CHRM3: variants seen among roughly 807,000 people sequenced by gnomAD.
CHRM3 encodes the protein muscarinic acetylcholine receptor M3.
A neutral mutation model predicts 41.8 loss-of-function variants in CHRM3; 11 were observed. The observed-to-expected ratio is 0.26, with a 90% CI of 0.17 to 0.44. CHRM3 has a LOEUF of 0.44. Among genes scored for constraint, CHRM3 ranks in the 20% least tolerant of loss-of-function variants. CHRM3 has a pLI of 1.00. For missense variants in CHRM3, 571 were observed against 745.4 expected, an observed-to-expected ratio of 0.77 and a Z score of 2.72; for synonymous variants, 297 against 301.4, an observed-to-expected ratio of 0.99 and a Z score of 0.15.
intron 1 of CHRM3, among the ~76,000 whole-genome samples, chr1:239,489,484 A>G (rs1222307536): frequency 6.6e-6 from 1 of 152,160 alleles, no homozygotes; most frequent in Non-Finnish European, 1.5e-5. Context: ...ACAGAGCTGT[A>G]ATGAATGTCA....
intron 1 of CHRM3, among the ~76,000 whole-genome samples, chr1:239,471,601 G>T (rs955166944): frequency 7.9e-5 from 12 of 152,152 alleles, no homozygotes; most frequent in Non-Finnish European, 4.4e-5. Context: ...TGGGTAGTGA[G>T]TGAGAGTAGG....
chr1:239,736,311 AG>A (rs1664389175), intron 5 of CHRM3, among the ~76,000 whole-genome samples: 1 of 152,102 alleles, frequency 6.6e-6, no homozygotes, highest in African/African-American at 2.4e-5. Context: ...CCTTACTTAA[AG>A]CAGCCTCTTT....
At chr1:239,579,391 G>A (rs1413174776) in intron 3 of CHRM3, among the ~76,000 whole-genome samples, 3 of 152,154 alleles carry the variant, frequency 2.0e-5, no homozygotes, top group Non-Finnish European at 2.9e-5. Flanking sequence ...TTTGGAAATG[G>A]CATTGCTTTT....
chr1:239,806,388 C>T (rs1319209179), intron 5 of CHRM3, among the ~76,000 whole-genome samples: 1 of 150,658 alleles, frequency 6.6e-6, no homozygotes, highest in Non-Finnish European at 1.5e-5. Context: ...ACACAACACA[C>T]ACACACCTGT....
chr1:239,577,435 C>A (rs1182729588), intron 3 of CHRM3, among the ~76,000 whole-genome samples: 4 of 152,100 alleles, frequency 2.6e-5, no homozygotes, highest in Non-Finnish European at 4.4e-5. Flanking sequence ...GACTGAAGTT[C>A]TCATATCTGA....
chr1:239,666,707 A>G (rs1034388139), intron 4 of CHRM3, among the ~76,000 whole-genome samples: 3 of 152,110 alleles, frequency 2.0e-5, no homozygotes, highest in African/African-American at 7.2e-5. Context: ...ATTCGGGGGT[A>G]CATATCAGGT....
chr1:239,710,713 A>G (rs905320757), intron 5 of CHRM3, among the ~76,000 whole-genome samples: 13 of 152,064 alleles, frequency 8.5e-5, no homozygotes, highest in Non-Finnish European at 1.5e-4. Flanking sequence ...TTTTTTTCTT[A>G]TATCTCAATT....
chr1:239,746,883 G>A (rs146200938), intron 5 of CHRM3, among the ~76,000 whole-genome samples: 2,167 of 151,906 alleles, frequency 0.014, 69 homozygotes, highest in East Asian at 0.12. Context: ...TCAGCCTCCC[G>A]AGTAGCTGGG....
At chr1:239,643,533 G>A (rs1671431280) in intron 4 of CHRM3, among the ~76,000 whole-genome samples, 1 of 152,182 alleles carries the variant, frequency 6.6e-6, no homozygotes, top group Non-Finnish European at 1.5e-5. Context: ...TGCTGTGCTA[G>A]TAATCAGCGA....
At chr1:239,507,999 A>G (rs1006878211) in intron 2 of CHRM3, among the ~76,000 whole-genome samples, 2 of 152,232 alleles carry the variant, frequency 1.3e-5, no homozygotes, top group Admixed American at 6.5e-5. Flanking sequence ...GCACAGAGCT[A>G]TGGAGCCTGA....
At chr1:239,514,457 T>A (rs915494002) in intron 2 of CHRM3, among the ~76,000 whole-genome samples, 1 of 152,110 alleles carries the variant, frequency 6.6e-6, no homozygotes, top group East Asian at 1.9e-4. Context: ...GGTAAGCAAC[T>A]GACTTTTATA....
At chr1:239,788,049 A>G (rs1279547456) in intron 5 of CHRM3, among the ~76,000 whole-genome samples, 1 of 152,250 alleles carries the variant, frequency 6.6e-6, no homozygotes, top group South Asian at 2.1e-4. Context: ...AGCCTGGGCA[A>G]CATAAAGAGA....
chr1:239,600,751 CCTT>C (rs1665420049), intron 3 of CHRM3, among the ~76,000 whole-genome samples: 1 of 150,730 alleles, frequency 6.6e-6, no homozygotes, highest in South Asian at 2.1e-4. Flanking sequence ...CTCCCTCCCT[CCTT>C]CTTTCCTTCC....
chr1:239,813,279 A>T (rs1368013987), intron 5 of CHRM3, among the ~76,000 whole-genome samples: 1 of 152,182 alleles, frequency 6.6e-6, no homozygotes, highest in East Asian at 1.9e-4. Flanking sequence ...CTCCGTCTCA[A>T]AAAAATAAAT....
chr1:239,662,778 C>T (rs1673329402), intron 4 of CHRM3, among the ~76,000 whole-genome samples: 2 of 151,360 alleles, frequency 1.3e-5, no homozygotes, highest in Admixed American at 6.6e-5. Flanking sequence ...CTACTTCTTC[C>T]TTCTCCTTTG....
intron 5 of CHRM3, chr1:239,719,710 T>C (rs1349466658): frequency 2.0e-5 from 3 of 151,768 alleles, no homozygotes; most frequent in Admixed American, 1.3e-4. Context: ...TAGATAAAAG[T>C]GGGATTTTGG....
intron 6 of CHRM3, among the ~76,000 whole-genome samples, chr1:239,871,064 G>C (rs942098441): frequency 2.0e-5 from 3 of 152,048 alleles, no homozygotes; most frequent in Non-Finnish European, 2.9e-5. Flanking sequence ...CTGTGAGTTA[G>C]GGTTGTGGAA....
chr1:239,732,147 T>A (rs1664019850), intron 5 of CHRM3, among the ~76,000 whole-genome samples: 1 of 152,012 alleles, frequency 6.6e-6, no homozygotes, highest in Non-Finnish European at 1.5e-5. Context: ...ATGATTCAAA[T>A]GAAGTCTCTA....
At chr1:239,753,866 A>T (rs1666032407) in intron 5 of CHRM3, among the ~76,000 whole-genome samples, 1 of 152,234 alleles carries the variant, frequency 6.6e-6, no homozygotes, top group African/African-American at 2.4e-5. Flanking sequence ...TCTACAGAGT[A>T]AGAAAAGTAA....
Sources: gnomAD v4.1 joint callset for allele counts (sites outside exome capture counted in the v4.1 genomes callset) on GRCh38, gnomAD v4.1.1 for gene constraint, MANE v1.5 for transcripts, NCBI Gene and HGNC (gene_info 2026-07-23, HGNC 2026-07-21) for gene names.